Variants in AOPEP observed in about 807,000 individuals in gnomAD.
AOPEP encodes aminopeptidase O (putative).
A neutral mutation model predicts 98.1 loss-of-function variants in AOPEP; 77 were observed. The ratio of observed to expected loss-of-function variants is 0.78; its 90% CI spans 0.65 to 0.95. AOPEP has a LOEUF of 0.95. Ranked by LOEUF, AOPEP falls within the 40% of genes least tolerant of loss-of-function variation. The pLI, the probability that AOPEP is intolerant of heterozygous loss-of-function variation, is 0.00. For synonymous variants in AOPEP, 346 were observed against 365.3 expected, an observed-to-expected ratio of 0.95 and a Z score of 0.60; for missense variants, 1,024 against 1,024.7, an observed-to-expected ratio of 1.00 and a Z score of 0.01.
Position 94,836,082 on chromosome 9 carries a change from TTGTG to T in AOPEP, c.1364+35100_1364+35103del, listed in dbSNP as rs10606112. 3.1e-4 allele frequency among the ~76,000 whole-genome samples: 47 copies of T among 150,028 alleles called. 1 individual carries two copies. The highest frequency in any genetic ancestry group is 5.9e-4 in the East Asian group (3 of 5,104). On this transcript the variant is annotated intron_variant, in intron 5 of 16. Transcript: ENST00000375315. ...AATTTGGTTGATTTTTGTTTCCTGCTTGTGTGTGTGTGTGTGTGTGTGTATACAC... is the reference window on the plus strand; with the variant it reads ...AATTTGGTTGATTTTTGTTTCCTGCTTGTGTGTGTGTGTGTGTGTATACAC...
chr9:94,961,740 A>G (rs893691172), intron 9 of AOPEP, among the ~76,000 whole-genome samples: 5 of 152,100 alleles, frequency 3.3e-5, no homozygotes, highest in African/African-American at 9.7e-5. Context: ...TAAAGTATTC[A>G]TGGAGAATTT....
chr9:95,067,065 A>C (rs2067980417), intron 14 of AOPEP, among the ~76,000 whole-genome samples: 1 of 152,106 alleles, frequency 6.6e-6, no homozygotes. Context: ...ACTCTGCCAC[A>C]GCTCTCAACA....
At chr9:95,065,298 C>T (rs1305997216) in intron 14 of AOPEP, 2 of 152,294 alleles carry the variant, frequency 1.3e-5, no homozygotes, top group African/African-American at 4.8e-5. Flanking sequence ...GCTATGCTGA[C>T]GTCAGGTCCT....
intron 5 of AOPEP, among the ~76,000 whole-genome samples, chr9:94,870,445 C>G (rs1222931305): frequency 9.2e-5 from 14 of 152,198 alleles, no homozygotes; most frequent in Admixed American, 9.2e-4. Flanking sequence ...AAATCCCATT[C>G]AGTCCTCACA....
rs576882782 is a variant in AOPEP at position 94,732,541 on chromosome 9, G to A, written c.-136+5790G>A. ...TCTATCAAGGAATTTCCTATGATAG[G>A]CAGTAAATTCCCTATTGGTGTTTAA... On this transcript the variant is annotated intron_variant, in intron 1 of 16. Transcript: ENST00000375315. 1.9e-3 allele frequency among the ~76,000 whole-genome samples: 283 copies of A among 152,172 alleles called. 2 individuals carry two copies. Among genetic ancestry groups the A allele is most frequent in the African/African-American group, 6.4e-3 (264 of 41,498 alleles).
chr9:95,033,367 C>T (rs575184612), intron 13 of AOPEP, among the ~76,000 whole-genome samples: 4 of 152,146 alleles, frequency 2.6e-5, no homozygotes, highest in Non-Finnish European at 5.9e-5. Flanking sequence ...TCCTTCCTTC[C>T]AGCAAAATGT....
At chr9:95,148,120 C>T in the AOPEP span, among the ~76,000 whole-genome samples, 2 of 152,040 alleles carry the variant, frequency 1.3e-5, no homozygotes, top group Non-Finnish European at 2.9e-5. Context: ...CACACACAGT[C>T]GAAACACTGC....
intron 5 of AOPEP, among the ~76,000 whole-genome samples, chr9:94,858,235 T>C (rs1361451225): frequency 6.6e-6 from 1 of 152,224 alleles, no homozygotes; most frequent in African/African-American, 2.4e-5. Flanking sequence ...TTTATCTGTG[T>C]CTGAAATATC....
intron 13 of AOPEP, among the ~76,000 whole-genome samples, chr9:95,041,932 C>A (rs1441513021): frequency 1.3e-5 from 2 of 152,116 alleles, no homozygotes; most frequent in Non-Finnish European, 2.9e-5. Flanking sequence ...TATAAAGCAG[C>A]ACACTTAGGG....
intron 3 of AOPEP, among the ~76,000 whole-genome samples, chr9:94,778,159 G>C (rs998813724): frequency 6.6e-6 from 1 of 152,102 alleles, no homozygotes; most frequent in African/African-American, 2.4e-5. Flanking sequence ...GTGTTTCCAA[G>C]GATAAGCCAC....
At chr9:94,773,922 C>T (rs979477333) in intron 3 of AOPEP, among the ~76,000 whole-genome samples, 8 of 152,098 alleles carry the variant, frequency 5.3e-5, no homozygotes, top group South Asian at 2.1e-4. Context: ...CATGCTACCA[C>T]GCCCAGCTAA....
At chr9:94,915,217 G>A (rs113343831) in intron 5 of AOPEP, among the ~76,000 whole-genome samples, 43 of 152,224 alleles carry the variant, frequency 2.8e-4, no homozygotes, top group African/African-American at 9.9e-4. Context: ...ATGAGTTAAC[G>A]AACATAAAAT....
At chr9:95,013,528 A>C (rs557683955) in intron 13 of AOPEP, among the ~76,000 whole-genome samples, 9 of 152,164 alleles carry the variant, frequency 5.9e-5, no homozygotes, top group African/African-American at 2.2e-4. Context: ...ATGTCAGAGC[A>C]TATAGGCATT....
chr9:95,091,380 G>A (rs75558416), downstream of AOPEP, among the ~76,000 whole-genome samples: 1,040 of 152,304 alleles, frequency 6.8e-3, 17 homozygotes, highest in African/African-American at 0.024. Context: ...CAGAATAAGC[G>A]GGGTGCTGCC....
At chr9:94,913,767 T>C (rs2052415791) in intron 5 of AOPEP, among the ~76,000 whole-genome samples, 1 of 152,238 alleles carries the variant, frequency 6.6e-6, no homozygotes. Context: ...GTGAATTCAT[T>C]CGTTTAATTC....
At chr9:95,051,387 C>T (rs1431625435) in intron 13 of AOPEP, among the ~76,000 whole-genome samples, 1 of 151,930 alleles carries the variant, frequency 6.6e-6, no homozygotes, top group African/African-American at 2.4e-5. Context: ...TGTGCCCAGC[C>T]ATACTTTTTT....
At chr9:95,135,599 G>T in the AOPEP span, 2 of 1,005,286 alleles carry the variant, frequency 2.0e-6, no homozygotes, top group Non-Finnish European at 1.5e-6. Flanking sequence ...TCCAATTTGT[G>T]AGACTTCTCA....
chr9:94,948,334 A>G (rs1271012554), intron 7 of AOPEP, among the ~76,000 whole-genome samples: 1 of 151,824 alleles, frequency 6.6e-6, no homozygotes, highest in Non-Finnish European at 1.5e-5. Flanking sequence ...TCACCGTTGC[A>G]TGCTCTCCAC....
intron 13 of AOPEP, among the ~76,000 whole-genome samples, chr9:95,017,989 G>A (rs1379448012): frequency 6.6e-6 from 1 of 152,136 alleles, no homozygotes; most frequent in Non-Finnish European, 1.5e-5. Flanking sequence ...AAGTAGTTTT[G>A]CATTGTATGG....
Sources: gnomAD v4.1 joint callset for allele counts (sites outside exome capture counted in the v4.1 genomes callset) on GRCh38, gnomAD v4.1.1 for gene constraint, MANE v1.5 for transcripts, NCBI Gene and HGNC (gene_info 2026-07-23, HGNC 2026-07-21) for gene names.